Variants in RGS20 observed in about 807,000 individuals in gnomAD.
RGS20 encodes the protein regulator of G protein signaling 20.
RGS20 carries 30 observed loss-of-function variants against 33.6 expected under a neutral mutation model. That is an observed-to-expected ratio of 0.89 (90% CI 0.67 to 1.21). The LOEUF is 1.21. RGS20 is among the 50% of genes most tolerant of loss of function. RGS20 has a pLI of 0.00. For missense variants in RGS20, 472 were observed against 502.4 expected, an observed-to-expected ratio of 0.94 and a Z score of 0.58; for synonymous variants, 208 against 197.9, an observed-to-expected ratio of 1.05 and a Z score of -0.43.
chr8:53,858,892 TAAA>T (rs76466731), intron 1 of RGS20, among the ~76,000 whole-genome samples: 1 of 84,506 alleles, frequency 1.2e-5, no homozygotes, highest in Non-Finnish European at 2.5e-5. Context: ...GGGTTATGTT[TAAA>T]AAAAAAAAAA....
At position 53,948,366 on chromosome 8, in the gene RGS20, C is replaced by T. The variant is rs754739577; in HGVS notation, c.743+1618C>T. Among the ~76,000 whole-genome samples, 1,295 of 135,484 alleles carry T rather than the reference C, an allele frequency of 9.6e-3. 47 individuals carry two copies. The highest frequency in any genetic ancestry group is 0.036 in the African/African-American group (1,228 of 34,282). 88.9% of individuals were successfully genotyped at this position (135,484 alleles called of 152,430 possible). On this transcript the variant is annotated intron_variant, in intron 4 of 5. Coordinates refer to ENST00000297313, the MANE Select transcript of RGS20 (RefSeq NM_170587.4). Reference sequence around the variant, plus strand: ...ATATTTATATATGCTATATATAAGACACAGTATATATTTATATATGCTATA... The same window carrying T: ...ATATTTATATATGCTATATATAAGATACAGTATATATTTATATATGCTATA...
At chr8:53,855,058 T>C (rs1585855493) in intron 1 of RGS20, among the ~76,000 whole-genome samples, 1 of 152,316 alleles carries the variant, frequency 6.6e-6, no homozygotes, top group South Asian at 2.1e-4. Context: ...TATGATTCTA[T>C]ATAAGCCACT....
chr8:53,866,747 C>T (rs1015123432), intron 1 of RGS20, among the ~76,000 whole-genome samples: 1 of 151,948 alleles, frequency 6.6e-6, no homozygotes, highest in African/African-American at 2.4e-5. Flanking sequence ...TGGGCAGAGG[C>T]GCCGTGTAGG....
At chr8:53,869,677 C>G (rs1812013460) in intron 1 of RGS20, among the ~76,000 whole-genome samples, 3 of 152,106 alleles carry the variant, frequency 2.0e-5, no homozygotes, top group Non-Finnish European at 4.4e-5. Context: ...GAGACTCAGT[C>G]TCAAAACAAA....
At chr8:53,943,605 A>C (rs1466441761) in intron 3 of RGS20, among the ~76,000 whole-genome samples, 1 of 152,144 alleles carries the variant, frequency 6.6e-6, no homozygotes, top group African/African-American at 2.4e-5. Context: ...AAACTTCACA[A>C]AAAAAAATTC....
At chr8:53,950,683 T>C (rs1167835455) in intron 4 of RGS20, among the ~76,000 whole-genome samples, 1 of 152,056 alleles carries the variant, frequency 6.6e-6, no homozygotes, top group Non-Finnish European at 1.5e-5. Flanking sequence ...GGCACGATCT[T>C]GGCTCACTGC....
intron 2 of RGS20, among the ~76,000 whole-genome samples, chr8:53,885,877 T>C (rs1352965944): frequency 6.7e-6 from 1 of 149,280 alleles, no homozygotes; most frequent in Non-Finnish European, 1.5e-5. Flanking sequence ...GGATACTTAC[T>C]ACATGTTCTT....
At chr8:53,894,162 T>A (rs1812790713) in intron 2 of RGS20, among the ~76,000 whole-genome samples, 1 of 152,218 alleles carries the variant, frequency 6.6e-6, no homozygotes. Context: ...TGGGTCTCTG[T>A]GTCCAACTGC....
At chr8:53,906,030 G>T (rs1813159062) in intron 2 of RGS20, among the ~76,000 whole-genome samples, 1 of 152,132 alleles carries the variant, frequency 6.6e-6, no homozygotes, top group African/African-American at 2.4e-5. Flanking sequence ...GCATGGGGCT[G>T]AGAGGGGCCT....
intron 2 of RGS20, among the ~76,000 whole-genome samples, chr8:53,914,568 A>G (rs1813432485): frequency 6.6e-6 from 1 of 152,200 alleles, no homozygotes; most frequent in African/African-American, 2.4e-5. Flanking sequence ...CTGAGTGTAA[A>G]CAGGCAGTGA....
intron 1 of RGS20, among the ~76,000 whole-genome samples, chr8:53,855,830 T>TTTATTGTTGTGG (rs1811658004): frequency 6.6e-6 from 1 of 152,184 alleles, no homozygotes; most frequent in African/African-American, 2.4e-5. Flanking sequence ...ATCACCTACA[T>TTTATTGTTGTGG]TTATTGTTGT....
intron 1 of RGS20, among the ~76,000 whole-genome samples, chr8:53,853,891 C>CA (rs1319815835): frequency 6.6e-6 from 1 of 152,070 alleles, no homozygotes; most frequent in Non-Finnish European, 1.5e-5. Flanking sequence ...TGGGGTAAGA[C>CA]AATTGAAGAA....
intron 2 of RGS20, among the ~76,000 whole-genome samples, chr8:53,896,169 C>T (rs532551957): frequency 6.6e-6 from 1 of 152,230 alleles, no homozygotes; most frequent in South Asian, 2.1e-4. Flanking sequence ...GTCCCTGCTA[C>T]TCAGGAGGCT....
chr8:53,950,138 C>T (rs1360751250), intron 4 of RGS20, among the ~76,000 whole-genome samples: 3 of 151,674 alleles, frequency 2.0e-5, no homozygotes, highest in Non-Finnish European at 4.4e-5. Flanking sequence ...CTACGCCCAG[C>T]GTGTTAACAC....
intron 2 of RGS20, among the ~76,000 whole-genome samples, chr8:53,906,855 G>A (rs1813193717): frequency 6.6e-6 from 1 of 152,158 alleles, no homozygotes; most frequent in Non-Finnish European, 1.5e-5. Context: ...ACAACTGAGG[G>A]ACTAAGGTAA....
rs1021668114 is a variant in RGS20, at chr8:53,877,152, C to T, written c.166-2106C>T. ...GCGTGCGTCGCAGAACAGTGCTGGG[C>T]GCTCTCTTTCAGCATTTTCGGCTTT... On this transcript the variant is annotated intron_variant, in intron 1 of 5. Transcript: ENST00000297313. The surrounding 1 kb of genome is among the most constrained non-coding windows in gnomAD (Gnocchi z 5.7). 2.6e-5 allele frequency among the ~76,000 whole-genome samples: 4 copies of T among 152,186 alleles called. No homozygotes were observed. The highest frequency in any genetic ancestry group is 9.6e-5 in the African/African-American group (4 of 41,454).
At chr8:53,880,623 G>A (rs1303638073) in intron 2 of RGS20, among the ~76,000 whole-genome samples, 1 of 152,204 alleles carries the variant, frequency 6.6e-6, no homozygotes. Context: ...CCCGCGCGCC[G>A]AGGGGAGGCG....
chr8:53,879,624 A>G (rs766395578), intron 2 of RGS20: 1 of 1,442,590 alleles, frequency 6.9e-7, no homozygotes, highest in South Asian at 1.5e-5. Context: ...GGTCTCCACT[A>G]CGCCCCACAC....
chr8:53,951,125 G>A (rs1188328924), intron 4 of RGS20, among the ~76,000 whole-genome samples: 1 of 152,204 alleles, frequency 6.6e-6, no homozygotes, highest in African/African-American at 2.4e-5. Flanking sequence ...GCTAACGATA[G>A]AGGGAGATTG....
Sources: allele counts gnomAD v4.1 joint callset (sites outside exome capture counted in the v4.1 genomes callset), GRCh38; gene constraint gnomAD v4.1.1; non-coding constraint Gnocchi (gnomAD v3.1); transcripts MANE v1.5; gene names NCBI Gene and HGNC (gene_info 2026-07-23, HGNC 2026-07-21).